The following ANKRD36 variants were observed in gnomAD, a reference collection of about 807,000 sequenced individuals.
The protein encoded by ANKRD36 is ankyrin repeat domain-containing protein 36A.
ANKRD36 carries 179 observed loss-of-function variants against 278.1 expected under a neutral mutation model. The observed-to-expected ratio is 0.64, with a 90% CI of 0.57 to 0.73. The LOEUF is 0.73. ANKRD36 is among the 30% of genes least tolerant of loss of function. The pLI, the probability that ANKRD36 is intolerant of heterozygous loss-of-function variation, is 0.00. For synonymous variants in ANKRD36, 320 were observed against 641.1 expected (o/e 0.50, Z 7.57); for missense variants, 1,159 against 1,956.7 (o/e 0.59, Z 7.69).
intron 68 of ANKRD36, among the ~76,000 whole-genome samples, chr2:97,240,789 C>T (rs2074177173): frequency 8.7e-6 from 1 of 114,930 alleles, no homozygotes; most frequent in African/African-American, 3.6e-5. Flanking sequence ...TCTGTTACTC[C>T]ATCAGAGCTA....
At chr2:97,171,736 A>G (rs1403246902) in intron 22 of ANKRD36, among the ~76,000 whole-genome samples, 2 of 151,736 alleles carry the variant, frequency 1.3e-5, no homozygotes, top group African/African-American at 2.4e-5. Context: ...AAAAAAAACA[A>G]AAACAAAAAA....
intron 6 of ANKRD36, among the ~76,000 whole-genome samples, chr2:97,139,942 T>A (rs1170577323): frequency 6.6e-6 from 1 of 151,956 alleles, no homozygotes; most frequent in African/African-American, 2.4e-5. Context: ...TGTTCCTGGA[T>A]GTCAAATGAC....
At chr2:97,127,033 T>C in intron 5 of ANKRD36, 34 bp from the exon 6 acceptor site, 1 of 856,236 alleles carries the variant, frequency 1.2e-6, no homozygotes, top group Non-Finnish European at 1.8e-6. Flanking sequence ...GATAATAGTA[T>C]TAAAATATTA....
At chr2:97,192,737 G>A (rs567711376) in intron 36 of ANKRD36, 121 bp from the exon 37 acceptor site, 3 of 1,348,098 alleles carry the variant, frequency 2.2e-6, no homozygotes, top group Non-Finnish European at 3.1e-6. Flanking sequence ...AAAAGTAGAA[G>A]CCATCAAAGC....
At chr2:97,212,139 A>G (rs1300406103) in intron 58 of ANKRD36, among the ~76,000 whole-genome samples, 1 of 151,894 alleles carries the variant, frequency 6.6e-6, no homozygotes, top group Non-Finnish European at 1.5e-5. Flanking sequence ...ATACCACAAA[A>G]ACACTGTAGA....
chr2:97,226,847 T>C (rs1327864900), intron 67 of ANKRD36, among the ~76,000 whole-genome samples: 1 of 151,718 alleles, frequency 6.6e-6, no homozygotes, highest in Non-Finnish European at 1.5e-5. Context: ...TACATATGGC[T>C]AGCCAGTTTT....
chr2:97,123,099 G>A (rs1230664269), intron 4 of ANKRD36, 106 bp downstream of exon 4: 2 of 915,370 alleles, frequency 2.2e-6, no homozygotes, highest in East Asian at 3.4e-5. Context: ...AGACTAACTT[G>A]TAATTATTGG....
At chr2:97,190,705 T>G (rs2058335842) in intron 34 of ANKRD36, among the ~76,000 whole-genome samples, 1 of 151,604 alleles carries the variant, frequency 6.6e-6, no homozygotes, top group Non-Finnish European at 1.5e-5. Flanking sequence ...ACTCGGCATA[T>G]CCACATTGAT....
chr2:97,118,426 G>A lies in ANKRD36; in HGVS notation c.395G>A (p.Arg132Lys), dbSNP rs760811355. The A allele has an allele frequency of 1.9e-6, 3 of 1,607,126 alleles. 1 individual carries two copies. Among genetic ancestry groups the A allele is most frequent in the Non-Finnish European group, 2.5e-6 (3 of 1,177,640 alleles). ...ANPNITDFFG[R>K]TALHYAVYNE... ...CCAAATATTACGGATTTCTTTGGAA[G>A]GACTGCTCTGCACTACGCTGTGTAT... is the stretch of plus-strand genomic sequence containing the variant. The change falls in exon 3 of 76, where the codon AGG becomes AAG. Residue 132 changes from arginine to lysine, a missense_variant. By Grantham distance (26) the Arg-to-Lys change is conservative (BLOSUM62 2). Transcript: ENST00000420699.
At chr2:97,121,053 C>G (rs1210283757) in intron 3 of ANKRD36, among the ~76,000 whole-genome samples, 2 of 151,942 alleles carry the variant, frequency 1.3e-5, no homozygotes, top group Non-Finnish European at 2.9e-5. Context: ...GTAGGGATGA[C>G]TTTACAAGCC....
chr2:97,209,923 A>G lies in ANKRD36; in HGVS notation c.3367+51A>G, dbSNP rs1446638827. The G allele has an allele frequency of 2.9e-5, 45 of 1,537,066 alleles. 1 individual carries two copies. Among genetic ancestry groups the G allele is most frequent in the Non-Finnish European group, 2.6e-6 (3 of 1,144,008 alleles). ...CATGTTCAGTCCAGATAGGTAAGAA[A>G]TTCTCTTCCCTGAATAAATCAGCGG... On this transcript the variant is annotated intron_variant, in intron 56 of 75. Coordinates refer to ENST00000420699, the MANE Select transcript of ANKRD36 (RefSeq NM_001354587.1).
At chr2:97,161,450 T>C (rs1022071031) in intron 17 of ANKRD36, among the ~76,000 whole-genome samples, 1 of 152,096 alleles carries the variant, frequency 6.6e-6, no homozygotes, top group Non-Finnish European at 1.5e-5. Flanking sequence ...CTGTCTGCCC[T>C]ATACTTTTGG....
In ANKRD36 at chr2:97,113,237, A is replaced by C. The variant is rs2034063260; in HGVS notation, c.-503A>C. Among the ~76,000 whole-genome samples, 3 of 150,934 alleles carry C rather than the reference A, an allele frequency of 2.0e-5. No homozygotes were observed. The highest frequency in any genetic ancestry group is 4.2e-4 in the South Asian group (2 of 4,760). On this transcript the variant is annotated 5_prime_UTR_variant, in exon 1 of 76. Coordinates refer to ENST00000420699, the MANE Select transcript of ANKRD36 (RefSeq NM_001354587.1). ...CCCGGATCCCGTCCTCCCGCCTCGC[A>C]CCCATCAGCGCGGACCCCGGGGGCG...
At chr2:97,192,908 T>C (rs1185575803) in intron 37 of ANKRD36, 22 bp downstream of exon 37, 8 of 1,603,108 alleles carry the variant, frequency 5.0e-6, no homozygotes, top group South Asian at 1.1e-5. Context: ...CTCATTTATA[T>C]TGTGAATGAG....
At position 97,184,585 on chromosome 2, in the gene ANKRD36, G is replaced by A. The variant is rs867054675; in HGVS notation, c.1940-731G>A. Reference sequence around the variant, plus strand: ...ATGTAAAAGCTTATTAATATCTAATGCCAGGAGCCATTGCATTTTGTATAA... The same window carrying A: ...ATGTAAAAGCTTATTAATATCTAATACCAGGAGCCATTGCATTTTGTATAA... On this transcript the variant is annotated intron_variant, in intron 28 of 75. Transcript: ENST00000420699. Among the ~76,000 whole-genome samples the A allele has an allele frequency of 4.6e-5, 7 of 151,716 alleles. No homozygotes were observed. The South Asian group carries it at 1.3e-3, about 27-fold the overall frequency.
At chr2:97,206,000 G>C (rs766561851) in intron 51 of ANKRD36, 32 bp downstream of exon 51, 46 of 1,547,670 alleles carry the variant, frequency 3.0e-5, no homozygotes, top group Non-Finnish European at 3.9e-5. Flanking sequence ...TTGTGAACGA[G>C]TTAATATATG....
intron 46 of ANKRD36, among the ~76,000 whole-genome samples, chr2:97,201,372 G>A (rs1443100389): frequency 1.6e-4 from 24 of 151,878 alleles, no homozygotes; most frequent in Non-Finnish European, 3.2e-4. Context: ...CAAAAATTAT[G>A]TTGCATTCCA....
At chr2:97,182,262 G>A (rs2056434439) in intron 26 of ANKRD36, among the ~76,000 whole-genome samples, 1 of 87,194 alleles carries the variant, frequency 1.1e-5, no homozygotes, top group African/African-American at 2.7e-5. Context: ...CAGGAAGGAG[G>A]GAAAATAAGT....
At position 97,181,757 on chromosome 2, in the gene ANKRD36, G is replaced by A. The variant is rs746409643; in HGVS notation, c.1801G>A (p.Ala601Thr). ...CGAGAAAGATTCTGTTTCAAATATA[G>A]CCACAGAAATAAAGAAGGGACAACA... ...SDEKDSVSNI[A>T]TEIKKGQQSG... Residue 601 changes from alanine to threonine, a missense_variant, in exon 26 of 76, where the codon GCC (alanine) becomes ACC (threonine). Physicochemically the swap from Ala to Thr is moderately conservative, Grantham distance 58. Transcript: ENST00000420699. 2 of 1,609,492 alleles carry A rather than the reference G, an allele frequency of 1.2e-6. No homozygotes were observed. Among genetic ancestry groups the A allele is most frequent in the Non-Finnish European group, 1.7e-6 (2 of 1,178,182 alleles).
Sources: gnomAD v4.1 joint callset for allele counts (sites outside exome capture counted in the v4.1 genomes callset) on GRCh38, gnomAD v4.1.1 for gene constraint, MANE v1.5 for transcripts, NCBI Gene and HGNC (gene_info 2026-07-23, HGNC 2026-07-21) for gene names.